The following ATP9A variants were observed in gnomAD, a reference collection of about 807,000 sequenced individuals.
The protein encoded by ATP9A is ATPase phospholipid transporting 9A.
In ATP9A, 52 loss-of-function variants were observed where a neutral mutation model predicts 144.1. That is an observed-to-expected ratio of 0.36 (90% CI 0.29 to 0.45). The LOEUF is 0.45. Ranked by LOEUF, ATP9A falls within the 20% of genes least tolerant of loss-of-function variation. The probability of loss-of-function intolerance (pLI) is 1.00; values close to 1 mark genes in which losing one functional copy is unlikely to be tolerated. For missense variants in ATP9A, 947 were observed against 1,392.7 expected (o/e 0.68, Z 5.09); for synonymous variants, 582 against 557.4 (o/e 1.04, Z -0.62).
chr20:51,642,834 T>C (rs1418122180), intron 14 of ATP9A, among the ~76,000 whole-genome samples: 4 of 148,464 alleles, frequency 2.7e-5, no homozygotes, highest in Non-Finnish European at 5.9e-5. Context: ...GGCAAAGGTA[T>C]GCAGCTCTCC....
rs939938418 is a variant in ATP9A at position 51,599,818 on chromosome 20, A to G, written c.*1393T>C. The G allele has an allele frequency of 1.3e-4, 20 of 152,212 alleles. No homozygotes were observed. The highest frequency in any genetic ancestry group is 4.8e-4 in the African/African-American group (20 of 41,450). 9.4% of individuals were successfully genotyped at this position (152,212 alleles called of 1,614,324 possible). A position where few individuals can be genotyped will look rare whatever the true frequency, so the allele number is the denominator to read the frequency against. On this transcript the variant is annotated 3_prime_UTR_variant, in exon 28 of 28. Coordinates refer to ENST00000338821, the MANE Select transcript of ATP9A (RefSeq NM_006045.3). ...TATGTATTCATCAAGAAGTAAACGC[A>G]AATCCAAGATCTCAACCACACTTGG...
At chr20:51,687,774 A>ATG (rs199920841) in intron 9 of ATP9A, among the ~76,000 whole-genome samples, 34,916 of 118,384 alleles carry the variant, frequency 0.29, 4,322 homozygotes, top group Non-Finnish European at 0.35. Context: ...AAAAAAAAAA[A>ATG]AAATGAATGA....
chr20:51,618,190 C>T (rs149063737), intron 21 of ATP9A, among the ~76,000 whole-genome samples: 22 of 151,340 alleles, frequency 1.5e-4, no homozygotes, highest in African/African-American at 4.9e-4. Context: ...ATTGCACTCC[C>T]GCTGGGCAAC....
intron 9 of ATP9A, among the ~76,000 whole-genome samples, chr20:51,684,244 A>C (rs1482238604): frequency 6.6e-6 from 1 of 152,226 alleles, no homozygotes; most frequent in East Asian, 1.9e-4. Context: ...AGTTCCAAAA[A>C]ACAAATGAGA....
chr20:51,620,796 G>T (rs999298591), intron 19 of ATP9A, among the ~76,000 whole-genome samples: 3 of 152,136 alleles, frequency 2.0e-5, no homozygotes, highest in Non-Finnish European at 4.4e-5. Context: ...AAGGAGGGGG[G>T]AGTGCGTGAG....
At chr20:51,694,761 T>C (rs928821055) in intron 6 of ATP9A, among the ~76,000 whole-genome samples, 1 of 152,210 alleles carries the variant, frequency 6.6e-6, no homozygotes, top group Non-Finnish European at 1.5e-5. Flanking sequence ...GTGCAAGTAG[T>C]CAGCTGTATA....
chr20:51,709,543 A>G (rs2077628958), intron 4 of ATP9A, among the ~76,000 whole-genome samples: 2 of 152,162 alleles, frequency 1.3e-5, no homozygotes, highest in South Asian at 2.1e-4. Context: ...CCTGGGCAAC[A>G]TGGCAACCCC....
intron 23 of ATP9A, among the ~76,000 whole-genome samples, chr20:51,613,093 C>T (rs765859144): frequency 6.6e-6 from 1 of 152,152 alleles, no homozygotes; most frequent in Non-Finnish European, 1.5e-5. Flanking sequence ...CCTCCCCATC[C>T]GTAAAATGGG....
At chr20:51,741,780 C>T (rs1044922093) in intron 1 of ATP9A, among the ~76,000 whole-genome samples, 1 of 152,110 alleles carries the variant, frequency 6.6e-6, no homozygotes, top group Admixed American at 6.6e-5. Flanking sequence ...CAATTTTGCA[C>T]CCCCAGGGTG....
At chr20:51,703,440 C>T (rs1361801509) in intron 4 of ATP9A, among the ~76,000 whole-genome samples, 9 of 152,216 alleles carry the variant, frequency 5.9e-5, no homozygotes, top group Admixed American at 5.9e-4. Flanking sequence ...CTGCCTGCCA[C>T]ATCCTAAATC....
chr20:51,715,320 G>A (rs1307116701), intron 3 of ATP9A, among the ~76,000 whole-genome samples: 1 of 152,112 alleles, frequency 6.6e-6, no homozygotes, highest in Non-Finnish European at 1.5e-5. Context: ...AAAGAAACTG[G>A]TACATTTCAG....
intron 14 of ATP9A, among the ~76,000 whole-genome samples, chr20:51,652,113 C>T (rs1192266490): frequency 2.0e-5 from 3 of 152,126 alleles, no homozygotes; most frequent in Non-Finnish European, 4.4e-5. Flanking sequence ...CACCCACTCT[C>T]GACACTGTGG....
chr20:51,610,661 C>T (rs926681244), intron 23 of ATP9A, among the ~76,000 whole-genome samples: 1 of 149,692 alleles, frequency 6.7e-6, no homozygotes. Flanking sequence ...GTGGCCACAG[C>T]TCTGTGGCCA....
intron 1 of ATP9A, among the ~76,000 whole-genome samples, chr20:51,735,285 T>C (rs914558564): frequency 1.3e-5 from 2 of 152,214 alleles, no homozygotes; most frequent in Non-Finnish European, 1.5e-5. Context: ...GTGTGTAGGA[T>C]GCTATTCTTT....
chr20:51,694,452 G>A (rs538684741), intron 6 of ATP9A, among the ~76,000 whole-genome samples: 38 of 152,268 alleles, frequency 2.5e-4, no homozygotes, highest in Middle Eastern at 6.8e-3. Context: ...CCAGCATTCC[G>A]AGCCGTCTGG....
chr20:51,683,536 C>G (rs2077509660), intron 9 of ATP9A, among the ~76,000 whole-genome samples: 1 of 152,164 alleles, frequency 6.6e-6, no homozygotes, highest in Non-Finnish European at 1.5e-5. Flanking sequence ...CCCGCCTCAG[C>G]CTCCCAAAGT....
At chr20:51,738,299 G>A (rs1057143966) in intron 1 of ATP9A, among the ~76,000 whole-genome samples, 3 of 151,966 alleles carry the variant, frequency 2.0e-5, no homozygotes, top group East Asian at 1.9e-4. Context: ...CCAAAGTACC[G>A]GGATTACAGG....
chr20:51,721,811 A>AG (rs1266267577), intron 3 of ATP9A, among the ~76,000 whole-genome samples: 8 of 150,430 alleles, frequency 5.3e-5, no homozygotes, highest in African/African-American at 1.9e-4. Flanking sequence ...AAAAAAAAAA[A>AG]AAAAGAAAAA....
Position 51,625,329 on chromosome 20 carries a change from C to A in ATP9A, c.1879G>T (p.Asp627Tyr). The A allele has an allele frequency of 6.2e-7, 1 of 1,614,132 alleles. No homozygotes were observed. The change falls in exon 18 of 28, where the codon GAC becomes TAC. Residue 627 changes from aspartate to tyrosine, a missense_variant. By Grantham distance (160) the Asp-to-Tyr change is radical. Transcript: ENST00000338821. ...RYVQAKLSVHDRSLKVATVIE... is the reference protein window; with the variant it reads ...RYVQAKLSVHYRSLKVATVIE... Reference sequence around the variant, plus strand: ...ACCGTGGCCACTTTGAGGGAGCGGTCGTGCACACTCAGCTTGGCCTGGACG... The same window carrying A: ...ACCGTGGCCACTTTGAGGGAGCGGTAGTGCACACTCAGCTTGGCCTGGACG...
Sources: allele counts gnomAD v4.1 joint callset (sites outside exome capture counted in the v4.1 genomes callset), GRCh38; gene constraint gnomAD v4.1.1; transcripts MANE v1.5; gene names NCBI Gene and HGNC (gene_info 2026-07-23, HGNC 2026-07-21).